FNBP1: variants seen among roughly 807,000 people sequenced by gnomAD.
FNBP1 encodes formin-binding protein 1.
FNBP1 carries 26 observed loss-of-function variants against 90.6 expected under a neutral mutation model. The observed-to-expected ratio is 0.29, with a 90% CI of 0.21 to 0.40. The LOEUF (loss-of-function observed/expected upper bound fraction) is 0.40. Among genes scored for constraint, FNBP1 ranks in the 10% least tolerant of loss-of-function variants. The pLI is 1.00. For missense variants in FNBP1, 635 were observed against 768.0 expected, an observed-to-expected ratio of 0.83 and a Z score of 2.05; for synonymous variants, 260 against 265.2, an observed-to-expected ratio of 0.98 and a Z score of 0.19.
intron 4 of FNBP1, among the ~76,000 whole-genome samples, 180 bp from the exon 5 acceptor site, chr9:129,958,733 A>G (rs2047320882): frequency 6.6e-6 from 1 of 151,684 alleles, no homozygotes; most frequent in Non-Finnish European, 1.5e-5. Context: ...GTAATCCCAG[A>G]ACCCTGGGAG....
intron 6 of FNBP1, among the ~76,000 whole-genome samples, chr9:129,947,395 G>A (rs916247578): frequency 4.1e-5 from 6 of 147,082 alleles, no homozygotes; most frequent in South Asian, 2.2e-4. Flanking sequence ...AGCAGAGATC[G>A]CGCCATTGCA....
chr9:129,901,477 C>T (rs1317492193), intron 13 of FNBP1, among the ~76,000 whole-genome samples: 2 of 151,970 alleles, frequency 1.3e-5, no homozygotes, highest in African/African-American at 4.8e-5. Flanking sequence ...GTGGAGGTTA[C>T]AGTGAGTCGA....
At chr9:129,975,193 C>A (rs535064383) in intron 4 of FNBP1, among the ~76,000 whole-genome samples, 1 of 152,058 alleles carries the variant, frequency 6.6e-6, no homozygotes, top group East Asian at 1.9e-4. Flanking sequence ...CACTCCAGCC[C>A]GGGCAACAGA....
At chr9:129,977,239 C>T (rs886828286) in intron 4 of FNBP1, among the ~76,000 whole-genome samples, 1 of 151,932 alleles carries the variant, frequency 6.6e-6, no homozygotes, top group Non-Finnish European at 1.5e-5. Context: ...CACATGCAAT[C>T]GAAGTACAAT....
At chr9:129,993,505 G>A (rs1298812478) in intron 2 of FNBP1, among the ~76,000 whole-genome samples, 1 of 150,798 alleles carries the variant, frequency 6.6e-6, no homozygotes, top group Non-Finnish European at 1.5e-5. Flanking sequence ...ACAGAGACAG[G>A]GGGCTCACTA....
At chr9:130,043,756 CCCAGTGATTTCCAATCTCTGAAA>C (rs1475245818), upstream of FNBP1, among the ~76,000 whole-genome samples, 3 of 152,198 alleles carry the variant, frequency 2.0e-5, no homozygotes, top group Admixed American at 2.0e-4. Context: ...GGGGCGTGCA[CCCAGTGATTTCCAATCTCTGAAA>C]CCAGTGATTT....
rs1287211018 is a variant in FNBP1 at position 130,041,345 on chromosome 9, C to G, written c.24+1607G>C. 7.9e-5 allele frequency among the ~76,000 whole-genome samples: 12 copies of G among 152,160 alleles called. No individual in the cohort carries two copies. The highest frequency in any genetic ancestry group is 1.5e-4 in the Non-Finnish European group (10 of 68,030). The stretch of plus-strand genomic sequence containing the variant: ...TATTGTGTTCGGTCCCTATTTCACT[C>G]AGAAATATATTGTACATTTTCCCTC... On this transcript the variant is annotated intron_variant, in intron 1 of 16. Coordinates refer to ENST00000446176, the MANE Select transcript of FNBP1 (RefSeq NM_015033.3). This position sits in a 1 kb window ranked among gnomAD's most constrained non-coding sequence, Gnocchi z 4.3.
chr9:129,947,448 A>AAAAAAAAAAAAAAAAAAG (rs1204848435), intron 6 of FNBP1, among the ~76,000 whole-genome samples: 2 of 151,104 alleles, frequency 1.3e-5, no homozygotes, highest in African/African-American at 2.4e-5. Context: ...CTCAAAAAAA[A>AAAAAAAAAAAAAAAAAAG]AAAAGAAAAG....
intron 10 of FNBP1, among the ~76,000 whole-genome samples, chr9:129,916,737 A>T (rs1456373759): frequency 6.6e-6 from 1 of 152,208 alleles, no homozygotes; most frequent in Non-Finnish European, 1.5e-5. Flanking sequence ...CCATGACAGG[A>T]AAGTAATATT....
intron 2 of FNBP1, among the ~76,000 whole-genome samples, chr9:129,984,737 G>C (rs1001754265): frequency 2.6e-5 from 4 of 152,070 alleles, no homozygotes; most frequent in Admixed American, 1.3e-4. Flanking sequence ...AATCATGGGG[G>C]GGGCCGGTCT....
intron 4 of FNBP1, among the ~76,000 whole-genome samples, chr9:129,971,085 G>A (rs2049383184): frequency 6.6e-6 from 1 of 151,246 alleles, no homozygotes; most frequent in South Asian, 2.1e-4. Flanking sequence ...TAGAGACAGG[G>A]TTTCACCACG....
At chr9:130,019,854 G>C (rs1000784941) in intron 1 of FNBP1, among the ~76,000 whole-genome samples, 1 of 151,754 alleles carries the variant, frequency 6.6e-6, no homozygotes, top group African/African-American at 2.4e-5. Context: ...CACCGCGCCC[G>C]GCCCACAATG....
intron 1 of FNBP1, among the ~76,000 whole-genome samples, chr9:130,024,099 A>C (rs993300365): frequency 6.6e-6 from 1 of 151,970 alleles, no homozygotes; most frequent in Non-Finnish European, 1.5e-5. Context: ...ACTACAAGCA[A>C]ATATTATCTA....
chr9:129,960,534 C>A (rs577307754), intron 4 of FNBP1, among the ~76,000 whole-genome samples: 79 of 152,056 alleles, frequency 5.2e-4, no homozygotes, highest in Non-Finnish European at 1.1e-3. Context: ...TCCCTCCTGG[C>A]CATCTGCAAA....
chr9:129,965,821 A>G (rs867756851), intron 4 of FNBP1, among the ~76,000 whole-genome samples: 1 of 144,460 alleles, frequency 6.9e-6, no homozygotes, highest in Non-Finnish European at 1.5e-5. Flanking sequence ...GGGAGGGAGG[A>G]AGGAAGGAAG....
At chr9:129,926,346 T>C (rs886482847) in intron 8 of FNBP1, among the ~76,000 whole-genome samples, 1 of 152,216 alleles carries the variant, frequency 6.6e-6, no homozygotes, top group African/African-American at 2.4e-5. Flanking sequence ...TTCTAGTTTA[T>C]ATTTTTTTGA....
chr9:129,919,632 C>T (rs1218031734), intron 10 of FNBP1, among the ~76,000 whole-genome samples: 2 of 152,110 alleles, frequency 1.3e-5, no homozygotes, highest in African/African-American at 4.8e-5. Context: ...ACATTTTATC[C>T]TGTTTAATTA....
At position 129,888,376 on chromosome 9, in the gene FNBP1, G is replaced by A. The variant is rs542036347; in HGVS notation, c.*2163C>T. ...GTTCCTGAAGATCCCTGTCGTCCCCGTTGGCGGGGGAGCCCATTGTGGAGC... is the reference window on the plus strand; with the variant it reads ...GTTCCTGAAGATCCCTGTCGTCCCCATTGGCGGGGGAGCCCATTGTGGAGC... On this transcript the variant is annotated 3_prime_UTR_variant, in exon 17 of 17. Transcript: ENST00000446176. 39 of 232,736 alleles carry A rather than the reference G, an allele frequency of 1.7e-4. No homozygotes were observed. The highest frequency in any genetic ancestry group is 2.4e-4 in the East Asian group (4 of 16,504). 14.4% of individuals were successfully genotyped at this position (232,736 alleles called of 1,614,324 possible).
intron 4 of FNBP1, chr9:129,978,226 G>A: frequency 8.8e-6 from 3 of 342,200 alleles, no homozygotes; most frequent in Non-Finnish European, 1.6e-5. Context: ...TCGCCATGTT[G>A]GTCAGGCTGG....
Sources: allele counts gnomAD v4.1 joint callset (sites outside exome capture counted in the v4.1 genomes callset), GRCh38; gene constraint gnomAD v4.1.1; non-coding constraint Gnocchi (gnomAD v3.1); transcripts MANE v1.5; gene names NCBI Gene and HGNC (gene_info 2026-07-23, HGNC 2026-07-21).